Variants in COPS8 observed in about 807,000 individuals in gnomAD.
COPS8 encodes COP9 signalosome complex subunit 8.
Under a neutral mutation model 31.5 loss-of-function variants are expected in COPS8, and 11 were observed. The observed-to-expected ratio is 0.35, with a 90% CI of 0.22 to 0.58. The LOEUF is 0.58. Ranked by LOEUF, COPS8 falls within the 20% of genes least tolerant of loss-of-function variation. The pLI is 0.83. For synonymous variants in COPS8, 81 were observed against 89.3 expected (o/e 0.91, Z 0.52); for missense variants, 215 against 255.1 (o/e 0.84, Z 1.07).
intron 1 of COPS8, 138 bp from the exon 2 acceptor site, chr2:237,086,985 ATTAC>A (rs1165978561): frequency 3.4e-6 from 2 of 580,254 alleles, no homozygotes; most frequent in Admixed American, 3.5e-5. Context: ...GGACTATAAG[ATTAC>A]TTATAGTCTT....
Position 237,088,617 on chromosome 2 carries a change from A to G in COPS8, c.162A>G (p.Arg54=). The G allele has an allele frequency of 1.3e-6, 2 of 1,593,314 alleles. No homozygotes were observed. Among genetic ancestry groups the G allele is most frequent in the Non-Finnish European group, 8.6e-7 (1 of 1,164,750 alleles). ...TGGCGTAAATTAGGAATAATGCAAG[A>G]TATCTTTGGAAAAGAATACCACCTG... The part of the protein sequence containing the change: ...YLLHNDMNNA[R]YLWKRIPPAI... The change falls in exon 3 of 8, where the codon AGA becomes AGG. Residue 54 remains arginine, a synonymous_variant. Transcript: ENST00000354371.
intron 7 of COPS8, among the ~76,000 whole-genome samples, chr2:237,097,418 A>G (rs112262125): frequency 1.3e-5 from 2 of 152,258 alleles, no homozygotes; most frequent in African/African-American, 4.8e-5. Flanking sequence ...TTCAGTAACA[A>G]CAACATGAGA....
intron 1 of COPS8, 107 bp from the exon 2 acceptor site, chr2:237,087,020 T>C (rs915905517): frequency 1.4e-6 from 1 of 717,136 alleles, no homozygotes; most frequent in South Asian, 2.3e-5. Context: ...GGCTTACTTT[T>C]AAAATTAGCA....
chr2:237,093,057 A>C (rs908584775), intron 4 of COPS8, among the ~76,000 whole-genome samples: 2 of 152,134 alleles, frequency 1.3e-5, no homozygotes, highest in African/African-American at 4.8e-5. Flanking sequence ...AATACTGCTG[A>C]GTTTAGAGAA....
Position 237,099,394 on chromosome 2 carries a change from T to G in COPS8, c.*1652T>G, listed in dbSNP as rs1345509669. 6.6e-6 allele frequency: 1 copy of G among 152,040 alleles called. No individual in the cohort carries two copies. The highest frequency in any genetic ancestry group is 6.6e-5 in the Admixed American group (1 of 15,266). The allele number at this position is 152,040 out of a possible 1,614,324, so 9.4% of individuals were successfully genotyped here. ...ACTACTACATAGAGAAAAAATAATC[T>G]CAAGTGATCAAACACAATATTTCAA... On this transcript the variant is annotated 3_prime_UTR_variant, in exon 8 of 8. Coordinates refer to ENST00000354371, the MANE Select transcript of COPS8 (RefSeq NM_006710.5).
chr2:237,095,235 C>T (rs1017991181), intron 5 of COPS8, among the ~76,000 whole-genome samples: 1 of 152,176 alleles, frequency 6.6e-6, no homozygotes, highest in Non-Finnish European at 1.5e-5. Flanking sequence ...GTATTCTCAG[C>T]TGACCACCTG....
At chr2:237,092,127 C>T (rs532229586) in intron 4 of COPS8, among the ~76,000 whole-genome samples, 1 of 152,148 alleles carries the variant, frequency 6.6e-6, no homozygotes, top group Non-Finnish European at 1.5e-5. Context: ...TTGTTTTCAC[C>T]AAAAATGTGT....
chr2:237,090,703 C>T (rs891083974), intron 4 of COPS8, among the ~76,000 whole-genome samples: 5 of 152,190 alleles, frequency 3.3e-5, no homozygotes, highest in Non-Finnish European at 7.3e-5. Context: ...GTTCATCACT[C>T]TGCTAAGGGA....
In COPS8 at chr2:237,085,921, G is replaced by T; in HGVS notation, c.-44G>T. On this transcript the variant is annotated 5_prime_UTR_variant, in exon 1 of 8. Coordinates refer to ENST00000354371, the MANE Select transcript of COPS8 (RefSeq NM_006710.5). ...GCGCGACGCCTGAGGGACAGTCTGGGGTTTGGCTGTCCGGACGGTGCAGCG... is the reference window on the plus strand; with the variant it reads ...GCGCGACGCCTGAGGGACAGTCTGGTGTTTGGCTGTCCGGACGGTGCAGCG... 6.3e-7 allele frequency: 1 copy of T among 1,584,056 alleles called. No individual in the cohort carries two copies. The highest frequency in any genetic ancestry group is 1.3e-5 in the African/African-American group (1 of 74,360).
At chr2:237,089,087 C>G (rs982676940) in intron 3 of COPS8, among the ~76,000 whole-genome samples, 1 of 152,070 alleles carries the variant, frequency 6.6e-6, no homozygotes, top group Non-Finnish European at 1.5e-5. Context: ...TTTTAAATTT[C>G]TTATTTTGGT....
At chr2:237,094,283 G>A in intron 5 of COPS8, 86 bp downstream of exon 5, 1 of 1,279,670 alleles carries the variant, frequency 7.8e-7, no homozygotes, top group Non-Finnish European at 1.1e-6. Flanking sequence ...GAAACACTTG[G>A]AACAGAATAT....
intron 3 of COPS8, among the ~76,000 whole-genome samples, chr2:237,089,265 C>T (rs79707325): frequency 0.026 from 3,945 of 152,172 alleles, 176 homozygotes; most frequent in African/African-American, 0.088. Context: ...TGATATTCAT[C>T]AAGAGATCGG....
In COPS8 at chr2:237,085,943, A is replaced by G. The variant is rs773355178; in HGVS notation, c.-22A>G. On this transcript the variant is annotated 5_prime_UTR_variant, in exon 1 of 8. Coordinates refer to ENST00000354371, the MANE Select transcript of COPS8 (RefSeq NM_006710.5). ...TGGGGTTTGGCTGTCCGGACGGTGC[A>G]GCGGCGAGGCCGGCCGCGAAGATGC... The G allele has an allele frequency of 7.1e-5, 115 of 1,609,564 alleles. 4 individuals carry two copies. Among genetic ancestry groups the G allele is most frequent in the South Asian group, 7.1e-4 (64 of 90,370 alleles).
chr2:237,088,041 T>C (rs1390082119), intron 2 of COPS8, among the ~76,000 whole-genome samples: 1 of 152,182 alleles, frequency 6.6e-6, no homozygotes, highest in Non-Finnish European at 1.5e-5. Flanking sequence ...AAAACCTTTC[T>C]TTTATATCTT....
In COPS8 at chr2:237,099,907, A is replaced by G. The variant is rs1129363; in HGVS notation, c.*2165A>G. ...AAGGGATTTCTACAGGCCATGTAAA[A>G]ATGAGACAGTTTGAGCATGAAATAT... is the stretch of plus-strand genomic sequence containing the variant. On this transcript the variant is annotated 3_prime_UTR_variant, in exon 8 of 8. Coordinates refer to ENST00000354371, the MANE Select transcript of COPS8 (RefSeq NM_006710.5). 8.4e-3 allele frequency: 1,276 copies of G among 152,318 alleles called. 12 individuals carry two copies. Among genetic ancestry groups the G allele is most frequent in the Admixed American group, 0.017 (263 of 15,298 alleles). 9.4% of individuals were successfully genotyped at this position (152,318 alleles called of 1,614,324 possible). A position where few individuals can be genotyped will look rare whatever the true frequency, so the allele number is the denominator to read the frequency against.
intron 3 of COPS8, 106 bp from the exon 4 acceptor site, chr2:237,089,756 A>G (rs1169528050): frequency 9.2e-7 from 1 of 1,086,844 alleles, no homozygotes; most frequent in Admixed American, 2.3e-5. Context: ...GGTTTTAATG[A>G]TGTAGCTAAC....
intron 4 of COPS8, 93 bp downstream of exon 4, chr2:237,090,087 A>C: frequency 7.9e-7 from 1 of 1,271,930 alleles, no homozygotes; most frequent in Non-Finnish European, 1.1e-6. Flanking sequence ...TGTGTGTTTA[A>C]GTAGATATTT....
rs750658884 is a variant in COPS8 at position 237,085,917 on chromosome 2, C to T, written c.-48C>T. On this transcript the variant is annotated 5_prime_UTR_variant, in exon 1 of 8. Coordinates refer to ENST00000354371, the MANE Select transcript of COPS8 (RefSeq NM_006710.5). ...GCGGGCGCGACGCCTGAGGGACAGT[C>T]TGGGGTTTGGCTGTCCGGACGGTGC... 3.2e-6 allele frequency: 5 copies of T among 1,580,540 alleles called. No individual in the cohort carries two copies. In the Admixed American group the frequency reaches 5.2e-5, roughly 16 times the overall value.
Position 237,094,560 on chromosome 2 carries a change from C to G in COPS8, c.439+363C>G, listed in dbSNP as rs61689073. 8.8e-3 allele frequency among the ~76,000 whole-genome samples: 1,340 copies of G among 152,196 alleles called. 27 individuals carry two copies. The highest frequency in any genetic ancestry group is 0.031 in the African/African-American group (1,281 of 41,552). ...CCATTTCTGACCCATACCCTAGGCG[C>G]TTGCTTGCTCCCCACTCATACCTGC... On this transcript the variant is annotated intron_variant, in intron 5 of 7. Transcript: ENST00000354371.
Sources: gnomAD v4.1 joint callset for allele counts (sites outside exome capture counted in the v4.1 genomes callset) on GRCh38, gnomAD v4.1.1 for gene constraint, MANE v1.5 for transcripts, NCBI Gene and HGNC (gene_info 2026-07-23, HGNC 2026-07-21) for gene names.